Variants in CLTC observed in about 807,000 individuals in gnomAD.
CLTC encodes clathrin heavy chain.
A neutral mutation model predicts 195.8 loss-of-function variants in CLTC; 16 were observed. The ratio of observed to expected loss-of-function variants is 0.08; its 90% CI spans 0.06 to 0.12. The LOEUF is 0.12. CLTC is among the 10% of genes least tolerant of loss of function. The pLI, the probability that CLTC is intolerant of heterozygous loss-of-function variation, is 1.00. For synonymous variants in CLTC, 667 were observed against 689.4 expected, an observed-to-expected ratio of 0.97 and a Z score of 0.51; for missense variants, 796 against 2,027.0, an observed-to-expected ratio of 0.39 and a Z score of 11.66.
At chr17:59,635,728 A>G (rs1462165010) in intron 1 of CLTC, among the ~76,000 whole-genome samples, 1 of 152,206 alleles carries the variant, frequency 6.6e-6, no homozygotes, top group Non-Finnish European at 1.5e-5. Context: ...CCTCTTAACA[A>G]TATTTTCATA....
intron 9 of CLTC, 93 bp downstream of exon 9, chr17:59,664,087 A>C: frequency 9.8e-7 from 1 of 1,019,340 alleles, no homozygotes; most frequent in South Asian, 1.7e-5. Flanking sequence ...TTAATAGTGA[A>C]TTTCCTTTCA....
rs1405335498 is a variant in CLTC, at chr17:59,674,689, T to A, written c.2419-12T>A. 6.2e-7 allele frequency: 1 copy of A among 1,602,266 alleles called. No individual in the cohort carries two copies. The highest frequency in any genetic ancestry group is 8.5e-7 in the Non-Finnish European group (1 of 1,175,020). ...AACATAATAACATTCTTCTACTTCT[T>A]TTTAACCACAGGTGAATCCAAGTCG... On this transcript the variant is annotated splice_polypyrimidine_tract_variant and intron_variant, in intron 15 of 31. Coordinates refer to ENST00000269122, the MANE Select transcript of CLTC (RefSeq NM_004859.4).
chr17:59,653,167 ATTTG>A (rs1296153156), intron 5 of CLTC, among the ~76,000 whole-genome samples: 2 of 150,768 alleles, frequency 1.3e-5, no homozygotes, highest in East Asian at 1.9e-4. Flanking sequence ...TATTTTATTT[ATTTG>A]TTTATTTATT....
chr17:59,661,972 A>G (rs2032619149), intron 8 of CLTC, among the ~76,000 whole-genome samples: 1 of 151,928 alleles, frequency 6.6e-6, no homozygotes. Context: ...GCGTGGTGGC[A>G]GGTGCCTGTA....
intron 18 of CLTC, among the ~76,000 whole-genome samples, chr17:59,679,971 C>T (rs1349422083): frequency 2.6e-5 from 4 of 151,686 alleles, no homozygotes; most frequent in African/African-American, 4.8e-5. Flanking sequence ...CGCTTGAACC[C>T]GGGAGGTGGA....
chr17:59,673,535 C>T (rs773780960), intron 14 of CLTC, 112 bp from the exon 15 acceptor site: 73 of 734,918 alleles, frequency 9.9e-5, no homozygotes, highest in Non-Finnish European at 1.6e-4. Flanking sequence ...AACAGAAGAG[C>T]TATGTTTGTG....
At position 59,683,339 on chromosome 17, in the gene CLTC, G is replaced by T; in HGVS notation, c.4042-48G>T. On this transcript the variant is annotated intron_variant, in intron 25 of 31. Coordinates refer to ENST00000269122, the MANE Select transcript of CLTC (RefSeq NM_004859.4). The surrounding 1 kb of genome is among the most constrained non-coding windows in gnomAD (Gnocchi z 6.1). ...TTCAAAATATCTTATTCTTTTTAAGGCTGTTAGCTAGACTCATATCTAAAG... is the reference window on the plus strand; with the variant it reads ...TTCAAAATATCTTATTCTTTTTAAGTCTGTTAGCTAGACTCATATCTAAAG... 6.2e-7 allele frequency: 1 copy of T among 1,601,014 alleles called. No homozygotes were observed. Among genetic ancestry groups the T allele is most frequent in the Admixed American group, 1.7e-5 (1 of 58,146 alleles).
chr17:59,663,659 C>T (rs566716225), intron 8 of CLTC, among the ~76,000 whole-genome samples, 183 bp from the exon 9 acceptor site: 3 of 152,292 alleles, frequency 2.0e-5, no homozygotes, highest in South Asian at 2.1e-4. Context: ...GAGAATTCTA[C>T]TGAGACATTG....
In CLTC at chr17:59,625,166, A is replaced by G. The variant is rs572875334; in HGVS notation, c.42+4993A>G. Among the ~76,000 whole-genome samples, 510 of 151,746 alleles carry G rather than the reference A, an allele frequency of 3.4e-3. 7 individuals are homozygous for G. Among genetic ancestry groups the G allele is most frequent in the Middle Eastern group, 6.8e-3 (2 of 294 alleles). Reference sequence around the variant, plus strand: ...CACTCTGTCGCCAGGCTGGAGTGCAATGGTGGATCTCGGCTCATTGCAACC... The same window carrying G: ...CACTCTGTCGCCAGGCTGGAGTGCAGTGGTGGATCTCGGCTCATTGCAACC... On this transcript the variant is annotated intron_variant, in intron 1 of 31. Transcript: ENST00000269122.
chr17:59,655,807 G>C, intron 5 of CLTC, 47 bp from the exon 6 acceptor site: 1 of 1,427,052 alleles, frequency 7.0e-7, no homozygotes, highest in South Asian at 1.5e-5. Flanking sequence ...TTTATTTTCT[G>C]TTTGTAGATT....
chr17:59,622,343 A>G (rs1184743299), intron 1 of CLTC, among the ~76,000 whole-genome samples: 1 of 152,174 alleles, frequency 6.6e-6, no homozygotes, highest in African/African-American at 2.4e-5. Flanking sequence ...ATGATAATAT[A>G]TCTCCTAACT....
chr17:59,647,341 G>T (rs2032222334), intron 2 of CLTC, 57 bp from the exon 3 acceptor site: 2 of 1,345,590 alleles, frequency 1.5e-6, no homozygotes, highest in Non-Finnish European at 2.1e-6. Flanking sequence ...GTCTAGGTAG[G>T]TATTCATTCT....
chr17:59,657,660 C>A lies in CLTC; in HGVS notation c.969+1633C>A, dbSNP rs573263778. Among the ~76,000 whole-genome samples the A allele has an allele frequency of 1.9e-3, 281 of 150,354 alleles. 3 individuals are homozygous for A. The highest frequency in any genetic ancestry group is 4.0e-4 in the Non-Finnish European group (27 of 67,666). ...GTGCATGCCTGTAATGCTAGCTACT[C>A]GGGAGGCTGAGGCAAAAGAATCACT... On this transcript the variant is annotated intron_variant, in intron 6 of 31. Coordinates refer to ENST00000269122, the MANE Select transcript of CLTC (RefSeq NM_004859.4).
At chr17:59,626,597 T>A (rs2031560299) in intron 1 of CLTC, among the ~76,000 whole-genome samples, 1 of 152,232 alleles carries the variant, frequency 6.6e-6, no homozygotes, top group Non-Finnish European at 1.5e-5. Flanking sequence ...AGTAGGTTCA[T>A]GGCTGATATT....
chr17:59,680,045 CA>C (rs915828195), intron 18 of CLTC, among the ~76,000 whole-genome samples: 28 of 150,874 alleles, frequency 1.9e-4, no homozygotes, highest in Non-Finnish European at 3.2e-4. Flanking sequence ...AAGACTGTCT[CA>C]AAAAAACAAA....
chr17:59,690,566 C>A lies in CLTC; in HGVS notation c.4828-70C>A. 2.8e-6 allele frequency: 3 copies of A among 1,066,536 alleles called. No homozygotes were observed. In the South Asian group the frequency reaches 4.2e-5, roughly 15 times the overall value. 66.1% of individuals were successfully genotyped at this position (1,066,536 alleles called of 1,614,324 possible). ...AGAATTTAACATACTAAGGCTTTTC[C>A]ACTTTCTGCCATAAACCTAGGTTTA... On this transcript the variant is annotated intron_variant, in intron 30 of 31. Transcript: ENST00000269122.
rs180759220 is a variant in CLTC, at chr17:59,684,067, T to G, written c.4434+82T>G. 4.6e-6 allele frequency: 4 copies of G among 878,570 alleles called. No homozygotes were observed. The African/African-American group carries it at 6.7e-5, about 15-fold the overall frequency. The allele number at this position is 878,570 out of a possible 1,614,324, so 54.4% of individuals were successfully genotyped here. Reference sequence around the variant, plus strand: ...ATTTTTTAAAAAAGCCATTATCCTTTAGGATTGTAAACAGTAGGTGCTTGC... The same window carrying G: ...ATTTTTTAAAAAAGCCATTATCCTTGAGGATTGTAAACAGTAGGTGCTTGC... On this transcript the variant is annotated intron_variant, in intron 28 of 31. Coordinates refer to ENST00000269122, the MANE Select transcript of CLTC (RefSeq NM_004859.4).
intron 30 of CLTC, chr17:59,689,539 A>T (rs2033253479): frequency 6.6e-6 from 1 of 152,056 alleles, no homozygotes; most frequent in Non-Finnish European, 1.5e-5. Flanking sequence ...CATTTATGAC[A>T]TTGAAAACCA....
At chr17:59,637,590 C>T (rs1432782229) in intron 1 of CLTC, among the ~76,000 whole-genome samples, 1 of 139,862 alleles carries the variant, frequency 7.1e-6, no homozygotes, top group Non-Finnish European at 1.5e-5. Context: ...TAGCCGGGTA[C>T]AGTGACTCAT....
Sources: allele counts gnomAD v4.1 joint callset (sites outside exome capture counted in the v4.1 genomes callset), GRCh38; gene constraint gnomAD v4.1.1; non-coding constraint Gnocchi (gnomAD v3.1); transcripts MANE v1.5; gene names NCBI Gene and HGNC (gene_info 2026-07-23, HGNC 2026-07-21).